POMK: variants seen among roughly 807,000 people sequenced by gnomAD.
POMK encodes protein O-mannose kinase.
In POMK, 19 loss-of-function variants were observed where a neutral mutation model predicts 23.0. The observed-to-expected ratio is 0.83, with a 90% confidence interval of 0.58 to 1.21. The LOEUF (loss-of-function observed/expected upper bound fraction) is 1.21, where lower values mean the gene tolerates loss of function less well. Ranked by LOEUF, POMK falls within the 50% of genes most tolerant of loss-of-function variation. The probability of loss-of-function intolerance (pLI) is 0.00; values close to 1 mark genes in which losing one functional copy is unlikely to be tolerated. For synonymous variants in POMK, 173 were observed against 171.6 expected, an observed-to-expected ratio of 1.01 and a Z score of -0.06; for missense variants, 410 against 431.3, an observed-to-expected ratio of 0.95 and a Z score of 0.44.
intron 1 of POMK, among the ~76,000 whole-genome samples, chr8:43,096,691 AAAAG>A (rs1811341427): frequency 6.7e-6 from 1 of 150,308 alleles, no homozygotes; most frequent in South Asian, 2.1e-4. Flanking sequence ...AAAAAGAAAA[AAAAG>A]AAAGCTCTCC....
rs1425996854 is a variant in POMK at position 43,123,274 on chromosome 8, C to T, written c.*397C>T. On this transcript the variant is annotated 3_prime_UTR_variant, in exon 5 of 5. Transcript: ENST00000331373. ...TTCACCATGTTGGCCAGGCTGGTCC[C>T]GAACTCCTGACTTCCTCGGCCTCCC... 2 of 160,956 alleles carry T rather than the reference C, an allele frequency of 1.2e-5. No homozygotes were observed. The highest frequency in any genetic ancestry group is 1.8e-4 in the South Asian group (1 of 5,560). The allele number at this position is 160,956 out of a possible 1,614,324, so 10.0% of individuals were successfully genotyped here. A position where few individuals can be genotyped will look rare whatever the true frequency, so the allele number is the denominator to read the frequency against.
Position 43,121,991 on chromosome 8 carries a change from C to T in POMK, c.283-116C>T, listed in dbSNP as rs1272667194. 8.8e-6 allele frequency: 9 copies of T among 1,017,248 alleles called. No homozygotes were observed. The Admixed American group carries it at 1.2e-4, about 14-fold the overall frequency. 63.0% of individuals were successfully genotyped at this position (1,017,248 alleles called of 1,614,324 possible). On this transcript the variant is annotated intron_variant, in intron 4 of 4. Transcript: ENST00000331373. Reference sequence around the variant, plus strand: ...AGCAACTCTACGATGGGGTCTGCACCTTGTTAATTTCTGTATCTTCTGCAG... The same window carrying T: ...AGCAACTCTACGATGGGGTCTGCACTTTGTTAATTTCTGTATCTTCTGCAG...
chr8:43,098,585 ATGAGTGTGTGTG>A (rs962402115), intron 2 of POMK, among the ~76,000 whole-genome samples: 4 of 152,090 alleles, frequency 2.6e-5, no homozygotes, highest in African/African-American at 7.2e-5. Context: ...ACATTCATGT[ATGAGTGTGTGTG>A]TGAGTGTGTG....
chr8:43,104,837 G>A (rs1025143935), intron 4 of POMK, among the ~76,000 whole-genome samples: 1 of 152,036 alleles, frequency 6.6e-6, no homozygotes, highest in Admixed American at 6.6e-5. Flanking sequence ...AAGCTCAGGT[G>A]GGAGAATCTC....
Position 43,122,215 on chromosome 8 carries a change from G to A in POMK, c.391G>A (p.Gly131Ser), listed in dbSNP as rs1350018371. Reference protein sequence around the residue: ...HGLQMLKSLQGTHVVTLLGYC... With the variant: ...HGLQMLKSLQSTHVVTLLGYC... ...ACTGCAGATGCTGAAATCTCTCCAAGGCACACATGTTGTCACGCTGCTTGG... is the reference window on the plus strand; with the variant it reads ...ACTGCAGATGCTGAAATCTCTCCAAAGCACACATGTTGTCACGCTGCTTGG... Residue 131 changes from glycine (G) to serine (S), a missense_variant, in exon 5 of 5, where the codon GGC becomes AGC. Coordinates refer to ENST00000331373, the MANE Select transcript of POMK (RefSeq NM_032237.5). 1 of 1,614,036 alleles carries A rather than the reference G, an allele frequency of 6.2e-7. No homozygotes were observed. Among genetic ancestry groups the A allele is most frequent in the Non-Finnish European group, 8.5e-7 (1 of 1,180,052 alleles).
At chr8:43,121,646 A>G (rs1202896577) in intron 4 of POMK, among the ~76,000 whole-genome samples, 1 of 151,418 alleles carries the variant, frequency 6.6e-6, no homozygotes, top group East Asian at 1.9e-4. Flanking sequence ...TTTCCAGTCC[A>G]CTCCCCTGCC....
rs969162516 is a variant in POMK, at chr8:43,123,233, T to G, written c.*356T>G. 41 of 177,100 alleles carry G rather than the reference T, an allele frequency of 2.3e-4. No homozygotes were observed. Among genetic ancestry groups the G allele is most frequent in the Non-Finnish European group, 4.6e-4 (38 of 83,410 alleles). 11.0% of individuals were successfully genotyped at this position (177,100 alleles called of 1,614,324 possible). The stretch of plus-strand genomic sequence containing the variant: ...CCACGCCTGGCTAATTTTTGTATTT[T>G]TAGTGGAGGTGGGGTTTCACCATGT... On this transcript the variant is annotated 3_prime_UTR_variant, in exon 5 of 5. Transcript: ENST00000331373.
rs568790781 is a variant in POMK at position 43,117,528 on chromosome 8, G to A, written c.283-4579G>A. ...AAAATCTGTGTGTAAGTGGAACTGCGCAGTTCAAACCCGTGTTGTTCAAGG... is the reference window on the plus strand; with the variant it reads ...AAAATCTGTGTGTAAGTGGAACTGCACAGTTCAAACCCGTGTTGTTCAAGG... On this transcript the variant is annotated intron_variant, in intron 4 of 4. Coordinates refer to ENST00000331373, the MANE Select transcript of POMK (RefSeq NM_032237.5). Among the ~76,000 whole-genome samples, 11 of 152,162 alleles carry A rather than the reference G, an allele frequency of 7.2e-5. No homozygotes were observed. The South Asian group carries it at 1.5e-3, about 20-fold the overall frequency.
At chr8:43,112,119 G>A (rs1326108760) in intron 4 of POMK, among the ~76,000 whole-genome samples, 1 of 152,012 alleles carries the variant, frequency 6.6e-6, no homozygotes, top group Admixed American at 6.6e-5. Flanking sequence ...AAACTACTGC[G>A]AGCTAAAGGA....
chr8:43,122,607 C>T lies in POMK; in HGVS notation c.783C>T (p.Pro261=). ...GDFVAPEQLW[P]YGEDVPFHDD... is the part of the protein sequence containing the mutation. Reference sequence around the variant, plus strand: ...TCGTGGCTCCAGAGCAACTGTGGCCCTATGGAGAGGACGTGCCTTTCCACG... The same window carrying T: ...TCGTGGCTCCAGAGCAACTGTGGCCTTATGGAGAGGACGTGCCTTTCCACG... Residue 261 remains proline (P), a synonymous_variant, in exon 5 of 5, where the codon CCC becomes CCT. Transcript: ENST00000331373. 2.5e-6 allele frequency: 4 copies of T among 1,614,186 alleles called. No individual in the cohort carries two copies. The highest frequency in any genetic ancestry group is 3.4e-6 in the Non-Finnish European group (4 of 1,180,040).
intron 2 of POMK, among the ~76,000 whole-genome samples, chr8:43,100,462 C>A (rs74948602): frequency 6.6e-6 from 1 of 151,392 alleles, no homozygotes; most frequent in East Asian, 1.9e-4. Context: ...TGCTAATAGG[C>A]CTCTGAGGCC....
chr8:43,111,279 G>T (rs1445080725), intron 4 of POMK, among the ~76,000 whole-genome samples: 1 of 152,202 alleles, frequency 6.6e-6, no homozygotes, highest in Admixed American at 6.5e-5. Flanking sequence ...ATTATATCCT[G>T]CACCTGGCTC....
chr8:43,097,024 G>A (rs1363501435), intron 1 of POMK, among the ~76,000 whole-genome samples: 1 of 152,186 alleles, frequency 6.6e-6, no homozygotes, highest in Non-Finnish European at 1.5e-5. Context: ...GGAGGTGGAG[G>A]CAGGAGGATC....
In POMK at chr8:43,118,797, A is replaced by G. The variant is rs116958013; in HGVS notation, c.283-3310A>G. ...TGGGGCCTGTGGCTGAGCCTCCCCA[A>G]CTTACTGTTTTTTTTGTTGTTGTTG... On this transcript the variant is annotated intron_variant, in intron 4 of 4. Transcript: ENST00000331373. Among the ~76,000 whole-genome samples the G allele has an allele frequency of 3.8e-3, 575 of 152,036 alleles. 19 individuals carry two copies. In the East Asian group the frequency reaches 0.1, roughly 27 times the overall value.
chr8:43,099,357 G>T (rs1235723999), intron 2 of POMK, among the ~76,000 whole-genome samples: 1 of 152,218 alleles, frequency 6.6e-6, no homozygotes, highest in Non-Finnish European at 1.5e-5. Flanking sequence ...CTGAGGAGAG[G>T]CTGGGAATGG....
chr8:43,113,032 C>G (rs1403357458), intron 4 of POMK, among the ~76,000 whole-genome samples: 1 of 152,214 alleles, frequency 6.6e-6, no homozygotes, highest in East Asian at 1.9e-4. Context: ...CAGCTAACAT[C>G]ATAATCACAG....
chr8:43,095,272 TAAC>T (rs1310318608), intron 1 of POMK, among the ~76,000 whole-genome samples: 1 of 152,200 alleles, frequency 6.6e-6, no homozygotes, highest in Admixed American at 6.5e-5. Context: ...GAAATGGGAA[TAAC>T]AACAATTACA....
chr8:43,120,679 C>CT (rs35296604), intron 4 of POMK, among the ~76,000 whole-genome samples: 6,797 of 140,620 alleles, frequency 0.048, 210 homozygotes, highest in South Asian at 0.081. Context: ...TAATTTCTTT[C>CT]TTTTTTTTTT....
At chr8:43,114,330 C>A (rs1055922512) in intron 4 of POMK, among the ~76,000 whole-genome samples, 1 of 152,246 alleles carries the variant, frequency 6.6e-6, no homozygotes, top group Admixed American at 6.5e-5. Context: ...ACCCCTCCCC[C>A]AGGCTCGCTG....
Sources: allele counts gnomAD v4.1 joint callset (sites outside exome capture counted in the v4.1 genomes callset), GRCh38; gene constraint gnomAD v4.1.1; transcripts MANE v1.5; gene names NCBI Gene and HGNC (gene_info 2026-07-23, HGNC 2026-07-21).